XIRP2: variants seen among roughly 807,000 people sequenced by gnomAD.
XIRP2 encodes xin actin binding repeat containing 2.
In XIRP2, 236 loss-of-function variants were observed where a neutral mutation model predicts 277.0. That is an observed-to-expected ratio of 0.85 (90% CI 0.77 to 0.95). The LOEUF (loss-of-function observed/expected upper bound fraction) is 0.95, where lower values mean the gene tolerates loss of function less well. Ranked by LOEUF, XIRP2 falls within the 40% of genes least tolerant of loss-of-function variation. XIRP2 has a pLI of 0.00. For synonymous variants in XIRP2, 1,490 were observed against 1,416.5 expected (o/e 1.05, Z -1.17); for missense variants, 4,640 against 4,157.5 (o/e 1.12, Z -3.19).
At chr2:166,915,141 CAA>C (rs916428720) in intron 2 of XIRP2, among the ~76,000 whole-genome samples, 1 of 145,246 alleles carries the variant, frequency 6.9e-6, no homozygotes, top group Non-Finnish European at 1.5e-5. Flanking sequence ...ACTAAAAATA[CAA>C]AAAAAAAATT....
Position 167,214,874 on chromosome 2 carries a change from C to T in XIRP2, c.724-3292C>T, listed in dbSNP as rs564562454. On this transcript the variant is annotated intron_variant, in intron 4 of 10. Transcript: ENST00000409195. ...GAGACACCACACCAGGCTGGTATAT[C>T]TGTTTTTTAATCCATTTTATAGATG... Among the ~76,000 whole-genome samples, 6 of 152,164 alleles carry T rather than the reference C, an allele frequency of 3.9e-5. No individual in the cohort carries two copies. The East Asian group carries it at 1.2e-3, about 30-fold the overall frequency.
chr2:167,024,396 C>A (rs575605564), intron 2 of XIRP2, among the ~76,000 whole-genome samples: 1 of 152,136 alleles, frequency 6.6e-6, no homozygotes, highest in Admixed American at 6.5e-5. Flanking sequence ...ATGTCATCTG[C>A]AAACAGGGAC....
chr2:167,031,294 T>C (rs375120479), intron 2 of XIRP2, among the ~76,000 whole-genome samples: 9 of 152,234 alleles, frequency 5.9e-5, no homozygotes, highest in East Asian at 3.9e-4. Context: ...GTGTTGATGG[T>C]CTTTACAATA....
intron 2 of XIRP2, among the ~76,000 whole-genome samples, chr2:167,129,182 GCTC>G (rs925585960): frequency 5.3e-5 from 8 of 152,068 alleles, no homozygotes; most frequent in South Asian, 2.1e-4. Flanking sequence ...CTTTATTTTT[GCTC>G]TTCTCTTTAT....
chr2:167,092,840 A>G (rs1690185166), intron 2 of XIRP2, among the ~76,000 whole-genome samples: 1 of 152,176 alleles, frequency 6.6e-6, no homozygotes, highest in South Asian at 2.1e-4. Context: ...ATACTGATCC[A>G]GAAAAAGACA....
At chr2:166,984,115 C>T (rs1381478888) in intron 2 of XIRP2, among the ~76,000 whole-genome samples, 1 of 152,122 alleles carries the variant, frequency 6.6e-6, no homozygotes, top group Non-Finnish European at 1.5e-5. Context: ...CTTACAATTC[C>T]CATTCATTCA....
At chr2:167,138,856 A>G (rs909704440) in intron 3 of XIRP2, among the ~76,000 whole-genome samples, 16 of 152,098 alleles carry the variant, frequency 1.1e-4, no homozygotes, top group African/African-American at 3.9e-4. Flanking sequence ...ACCTAGGGTC[A>G]GGAGTTTGAG....
chr2:167,228,047 G>C (rs1046081721), intron 5 of XIRP2, among the ~76,000 whole-genome samples: 1 of 152,130 alleles, frequency 6.6e-6, no homozygotes. Flanking sequence ...AAATAATGTA[G>C]TGAAACTGCC....
At chr2:167,192,332 G>A (rs1208203513) in intron 3 of XIRP2, among the ~76,000 whole-genome samples, 2 of 152,022 alleles carry the variant, frequency 1.3e-5, no homozygotes, top group African/African-American at 2.4e-5. Context: ...GTAACTTCAT[G>A]GGTAATTTAT....
intron 2 of XIRP2, among the ~76,000 whole-genome samples, chr2:167,024,533 G>A (rs1453680259): frequency 2.0e-5 from 3 of 152,116 alleles, no homozygotes; most frequent in Non-Finnish European, 4.4e-5. Flanking sequence ...TCTTGTGCCA[G>A]TTTTCAAAGG....
chr2:167,182,114 G>A lies in XIRP2; in HGVS notation c.563-28621G>A, dbSNP rs556184761. On this transcript the variant is annotated intron_variant, in intron 3 of 10. Transcript: ENST00000409195. ...TTAATGGAATTAAACTTGGACAAGT[G>A]TAAATTATACCTGATTAAATTTAAC... Among the ~76,000 whole-genome samples, 8 of 152,224 alleles carry A rather than the reference G, an allele frequency of 5.3e-5. No individual in the cohort carries two copies. The East Asian group carries it at 1.5e-3, about 29-fold the overall frequency.
intron 3 of XIRP2, among the ~76,000 whole-genome samples, chr2:167,204,244 T>C (rs1693796817): frequency 6.6e-6 from 1 of 152,240 alleles, no homozygotes; most frequent in African/African-American, 2.4e-5. Flanking sequence ...CCTTAGAATT[T>C]ATTTTGTGTC....
At chr2:167,042,020 A>T (rs1205336152) in intron 2 of XIRP2, among the ~76,000 whole-genome samples, 1 of 152,178 alleles carries the variant, frequency 6.6e-6, no homozygotes, top group Non-Finnish European at 1.5e-5. Flanking sequence ...GCCAGAAAAG[A>T]TTGAGGGTCT....
intron 2 of XIRP2, among the ~76,000 whole-genome samples, chr2:166,960,241 A>G (rs1379478946): frequency 6.6e-6 from 1 of 151,566 alleles, no homozygotes; most frequent in African/African-American, 2.4e-5. Flanking sequence ...GATGAAGGAA[A>G]ATAAAAAAAT....
At chr2:167,134,193 A>G (rs568584533) in intron 2 of XIRP2, among the ~76,000 whole-genome samples, 14 of 151,466 alleles carry the variant, frequency 9.2e-5, no homozygotes, top group Non-Finnish European at 1.3e-4. Context: ...ATATATTCAT[A>G]TATATGAATA....
intron 2 of XIRP2, among the ~76,000 whole-genome samples, chr2:167,028,490 A>G (rs1044445290): frequency 6.6e-6 from 1 of 152,098 alleles, no homozygotes; most frequent in Non-Finnish European, 1.5e-5. Context: ...TAAGAGTCAC[A>G]GTGTTACTGG....
Position 167,247,514 on chromosome 2 carries a change from A to G in XIRP2, c.6122A>G (p.Lys2041Arg). The G allele has an allele frequency of 1.2e-6, 2 of 1,613,786 alleles. No individual in the cohort carries two copies. Among genetic ancestry groups the G allele is most frequent in the Non-Finnish European group, 1.7e-6 (2 of 1,179,790 alleles). ...GAACAAAACAATGATGCTCTGGAGAAAAGCCTTAGAAGACTATCTAATTCA... is the reference window on the plus strand; with the variant it reads ...GAACAAAACAATGATGCTCTGGAGAGAAGCCTTAGAAGACTATCTAATTCA... ...DREQNNDALE[K>R]SLRRLSNSHH... is the part of the protein sequence containing the mutation. The change falls in exon 9 of 11, where the codon AAA becomes AGA. Residue 2041 changes from lysine to arginine, a missense_variant. By Grantham distance (26) the Lys-to-Arg change is conservative. Transcript: ENST00000409195.
At chr2:166,930,333 A>G (rs193187267) in intron 2 of XIRP2, among the ~76,000 whole-genome samples, 63 of 152,250 alleles carry the variant, frequency 4.1e-4, no homozygotes, top group East Asian at 5.8e-4. Flanking sequence ...CTCCTCCCTG[A>G]CTGTTAATAG....
chr2:166,934,799 G>A (rs1375365586), intron 2 of XIRP2, among the ~76,000 whole-genome samples: 1 of 151,942 alleles, frequency 6.6e-6, no homozygotes, highest in East Asian at 1.9e-4. Context: ...AATCACTTGA[G>A]GTCAGGAGAC....
Sources: gnomAD v4.1 joint callset for allele counts (sites outside exome capture counted in the v4.1 genomes callset) on GRCh38, gnomAD v4.1.1 for gene constraint, MANE v1.5 for transcripts, NCBI Gene and HGNC (gene_info 2026-07-23, HGNC 2026-07-21) for gene names.